Variants in SMG6 observed in about 807,000 individuals in gnomAD.
The protein encoded by SMG6 is SMG6 nonsense mediated mRNA decay factor.
A neutral mutation model predicts 142.2 loss-of-function variants in SMG6; 66 were observed. That is an observed-to-expected ratio of 0.46 (90% CI 0.38 to 0.57). The LOEUF (loss-of-function observed/expected upper bound fraction) is 0.57, where lower values mean the gene tolerates loss of function less well. Ranked by LOEUF, SMG6 falls within the 20% of genes least tolerant of loss-of-function variation. SMG6 has a pLI of 0.00. For synonymous variants in SMG6, 779 were observed against 702.4 expected (o/e 1.11, Z -1.72); for missense variants, 1,793 against 1,832.0 (o/e 0.98, Z 0.39).
chr17:2,194,559 CAA>C (rs144081112), intron 10 of SMG6, among the ~76,000 whole-genome samples: 5,174 of 151,982 alleles, frequency 0.034, 257 homozygotes, highest in African/African-American at 0.12. Flanking sequence ...GAAAGAAAAT[CAA>C]AAGAGGCCAG....
At chr17:2,219,463 C>A (rs1308861838) in intron 10 of SMG6, among the ~76,000 whole-genome samples, 2 of 151,912 alleles carry the variant, frequency 1.3e-5, no homozygotes, top group Non-Finnish European at 2.9e-5. Flanking sequence ...TCAAACACTG[C>A]TAAGAGTGTA....
At chr17:2,169,621 G>A (rs981501313) in intron 13 of SMG6, among the ~76,000 whole-genome samples, 2 of 152,198 alleles carry the variant, frequency 1.3e-5, no homozygotes, top group African/African-American at 4.8e-5. Flanking sequence ...CGCTTGGTTT[G>A]TTTGAGGAAC....
At chr17:2,255,402 T>TAA (rs2074146178) in intron 8 of SMG6, among the ~76,000 whole-genome samples, 4 of 14,776 alleles carry the variant, frequency 2.7e-4, no homozygotes, top group Non-Finnish European at 5.1e-4. Context: ...AGACTCCGTC[T>TAA]CAAAAAAAAA....
chr17:2,241,808 C>G (rs2073808774), intron 9 of SMG6, among the ~76,000 whole-genome samples: 1 of 152,164 alleles, frequency 6.6e-6, no homozygotes, highest in African/African-American at 2.4e-5. Flanking sequence ...TACTGCATAA[C>G]CTGATAAAAA....
At chr17:2,276,957 T>C (rs1567739931) in intron 8 of SMG6, among the ~76,000 whole-genome samples, 1 of 151,038 alleles carries the variant, frequency 6.6e-6, no homozygotes. Context: ...AATTTTGTAT[T>C]TTTAGTAGAG....
intron 8 of SMG6, among the ~76,000 whole-genome samples, chr17:2,255,567 C>T (rs533507415): frequency 6.6e-6 from 1 of 152,072 alleles, no homozygotes; most frequent in South Asian, 2.1e-4. Context: ...AGGGAGGTGG[C>T]GGGCGCCTCC....
At chr17:2,288,282 C>A (rs1372446785) in intron 6 of SMG6, among the ~76,000 whole-genome samples, 1 of 151,666 alleles carries the variant, frequency 6.6e-6, no homozygotes, top group East Asian at 1.9e-4. Context: ...CCACTGCACT[C>A]CAGCCTGGGC....
At chr17:2,165,272 T>TGA (rs2071301245) in intron 13 of SMG6, among the ~76,000 whole-genome samples, 1 of 137,814 alleles carries the variant, frequency 7.3e-6, no homozygotes, top group Non-Finnish European at 1.5e-5. Flanking sequence ...ATCATTTATA[T>TGA]GAAAGAGACT....
chr17:2,244,681 A>G lies in SMG6; in HGVS notation c.2700T>C (p.His900=). Residue 900 remains histidine (H), a synonymous_variant, in exon 9 of 19, where the codon CAT becomes CAC. Coordinates refer to ENST00000263073, the MANE Select transcript of SMG6 (RefSeq NM_017575.5). ...ACCCAATCCGGGTAAACAGCTTCCC[A>G]TGGGCATGGAGAAAACTGAGGATGA... ...KRFILSFLHA[H]GKLFTRIGME... The G allele has an allele frequency of 6.2e-7, 1 of 1,613,960 alleles. No individual in the cohort carries two copies. Among genetic ancestry groups the G allele is most frequent in the East Asian group, 2.2e-5 (1 of 44,894 alleles).
intron 13 of SMG6, among the ~76,000 whole-genome samples, chr17:2,152,394 T>TA (rs1398809987): frequency 6.6e-6 from 1 of 152,192 alleles, no homozygotes; most frequent in Admixed American, 6.5e-5. Flanking sequence ...AGTCAAAACT[T>TA]AGTCTCTAAA....
intron 13 of SMG6, among the ~76,000 whole-genome samples, chr17:2,154,560 C>G (rs934054448): frequency 1.3e-5 from 2 of 152,144 alleles, no homozygotes; most frequent in Admixed American, 6.5e-5. Context: ...TTCCTCCTCC[C>G]TTTACATGTC....
chr17:2,297,288 G>A lies in SMG6; in HGVS notation c.2106C>T (p.Asp702=). The change falls in exon 4 of 19, where the codon GAC becomes GAT. Residue 702 remains aspartate (D), a synonymous_variant. Transcript: ENST00000263073. Reference sequence around the variant, plus strand: ...TGCGAATGGCAAGACCATCCATGTAGTCTTCCAGTTTGAACTTGTAAGTAA... The same window carrying A: ...TGCGAATGGCAAGACCATCCATGTAATCTTCCAGTTTGAACTTGTAAGTAA... The part of the protein sequence containing the change: ...LQVTYKFKLE[D]YMDGLAIRSK... 1 of 1,613,618 alleles carries A rather than the reference G, an allele frequency of 6.2e-7. No individual in the cohort carries two copies. Among genetic ancestry groups the A allele is most frequent in the Non-Finnish European group, 8.5e-7 (1 of 1,179,760 alleles).
At position 2,271,116 on chromosome 17, in the gene SMG6, G is replaced by GT. The variant is rs542881081; in HGVS notation, c.2661+11530dup. Among the ~76,000 whole-genome samples, 550 of 132,218 alleles carry GT rather than the reference G, an allele frequency of 4.2e-3. 1 individual carries two copies. The highest frequency in any genetic ancestry group is 7.8e-3 in the Middle Eastern group (2 of 258). The allele number at this position is 132,218 out of a possible 152,430, so 86.7% of individuals were successfully genotyped here. ...GAAATTGTTCTTCTGTTTTTTTCTG[G>GT]TTTTTTTTTTTTTTTTTTGAGACAG... is the stretch of plus-strand genomic sequence containing the variant. On this transcript the variant is annotated intron_variant, in intron 8 of 18. Coordinates refer to ENST00000263073, the MANE Select transcript of SMG6 (RefSeq NM_017575.5).
chr17:2,303,491 G>T lies in SMG6; in HGVS notation c.88+142C>A. The T allele has an allele frequency of 2.3e-6, 3 of 1,328,972 alleles. No homozygotes were observed. In the South Asian group the frequency reaches 5.9e-5, roughly 26 times the overall value. 82.3% of individuals were successfully genotyped at this position (1,328,972 alleles called of 1,614,324 possible). A position where few individuals can be genotyped will look rare whatever the true frequency, so the allele number is the denominator to read the frequency against. On this transcript the variant is annotated intron_variant, in intron 1 of 18. Transcript: ENST00000263073. ...CCCGCGAGAGAGGTAGGGCAGCGAG[G>T]GTCCGCCGCGGCCCCAGCGCCTACT...
intron 8 of SMG6, among the ~76,000 whole-genome samples, chr17:2,270,042 C>CA (rs1194146858): frequency 6.6e-6 from 1 of 151,910 alleles, no homozygotes; most frequent in African/African-American, 2.4e-5. Flanking sequence ...ACGAAAAAAA[C>CA]AAAAAAACTA....
intron 12 of SMG6, among the ~76,000 whole-genome samples, chr17:2,175,175 G>A (rs1398020556): frequency 6.6e-6 from 1 of 152,180 alleles, no homozygotes; most frequent in Non-Finnish European, 1.5e-5. Context: ...GGTGAGCTTT[G>A]GCCAACAGGC....
intron 4 of SMG6, among the ~76,000 whole-genome samples, chr17:2,294,589 G>C (rs940650579): frequency 6.6e-6 from 1 of 151,208 alleles, no homozygotes. Flanking sequence ...TCCTCTCCTT[G>C]CATCTACACA....
intron 10 of SMG6, among the ~76,000 whole-genome samples, chr17:2,194,531 G>T (rs1280944295): frequency 6.6e-6 from 1 of 151,810 alleles, no homozygotes; most frequent in Non-Finnish European, 1.5e-5. Flanking sequence ...GCAGTGCACA[G>T]ATATGAAAAT....
In SMG6 at chr17:2,299,980, CT is replaced by C; in HGVS notation, c.772del (p.Ser258AlafsTer16). On this transcript the variant is annotated frameshift_variant, in exon 2 of 19. Transcript: ENST00000263073. LOFTEE classifies it high-confidence loss of function. The surrounding 1 kb of genome is among the most constrained non-coding windows in gnomAD (Gnocchi z 4.3). ...DKRRNRYRTRSTSSAGSNNSA... is the reference protein window; with the variant it reads ...DKRRNRYRTRXTSSAGSNNSA... ...GTTGTTGCTGCCAGCTGAGCTGGTG[CT>C]GCGCGTGCGGTAGCGATTCCTTCGT... is the stretch of plus-strand genomic sequence containing the variant. 6.2e-7 allele frequency: 1 copy of C among 1,614,094 alleles called. No homozygotes were observed. Among genetic ancestry groups the C allele is most frequent in the East Asian group, 2.2e-5 (1 of 44,888 alleles).
Sources: allele counts gnomAD v4.1 joint callset (sites outside exome capture counted in the v4.1 genomes callset), GRCh38; gene constraint gnomAD v4.1.1; non-coding constraint Gnocchi (gnomAD v3.1); transcripts MANE v1.5; gene names NCBI Gene and HGNC (gene_info 2026-07-23, HGNC 2026-07-21).